PCDH9: variants seen among roughly 807,000 people sequenced by gnomAD.
The protein encoded by PCDH9 is protocadherin 9.
A neutral mutation model predicts 70.6 loss-of-function variants in PCDH9; 24 were observed. The ratio of observed to expected loss-of-function variants is 0.34; its 90% CI spans 0.25 to 0.48. The LOEUF (loss-of-function observed/expected upper bound fraction) is 0.48, where lower values mean the gene tolerates loss of function less well. Among genes scored for constraint, PCDH9 ranks in the 20% least tolerant of loss-of-function variants. The pLI is 0.99. For missense variants in PCDH9, 1,281 were observed against 1,503.6 expected (o/e 0.85, Z 2.45); for synonymous variants, 562 against 558.5 (o/e 1.01, Z -0.09).
intron 4 of PCDH9, among the ~76,000 whole-genome samples, chr13:66,513,609 GA>G (rs1281163535): frequency 2.6e-5 from 4 of 151,098 alleles, no homozygotes; most frequent in African/African-American, 9.7e-5. Flanking sequence ...CATCTTTAAA[GA>G]AAAAAATCTT....
chr13:66,374,961 C>A (rs1956722544), intron 4 of PCDH9, among the ~76,000 whole-genome samples: 1 of 151,980 alleles, frequency 6.6e-6, no homozygotes, highest in Non-Finnish European at 1.5e-5. Flanking sequence ...TCTAAAGGAA[C>A]TCAATCAGTT....
chr13:66,903,953 A>G (rs548994816), intron 2 of PCDH9, among the ~76,000 whole-genome samples: 45 of 152,066 alleles, frequency 3.0e-4, no homozygotes, highest in African/African-American at 1.0e-3. Context: ...TTTGATATAT[A>G]TTATACACAT....
intron 2 of PCDH9, among the ~76,000 whole-genome samples, chr13:67,087,782 T>A (rs1256981293): frequency 1.1e-4 from 17 of 152,128 alleles, no homozygotes. Context: ...TATGTGAGTT[T>A]ACTTTTGCTT....
intron 4 of PCDH9, among the ~76,000 whole-genome samples, chr13:66,600,367 C>T (rs913284180): frequency 6.6e-6 from 1 of 151,780 alleles, no homozygotes; most frequent in African/African-American, 2.4e-5. Context: ...TTGATATTAT[C>T]CAATTTTCAA....
intron 4 of PCDH9, among the ~76,000 whole-genome samples, chr13:66,312,435 A>C (rs1190101108): frequency 6.6e-6 from 1 of 152,084 alleles, no homozygotes; most frequent in Non-Finnish European, 1.5e-5. Flanking sequence ...ACACGGTGAA[A>C]CACCGGCTCT....
At chr13:67,229,159 A>G (rs1418407328) in intron 1 of PCDH9, among the ~76,000 whole-genome samples, 1 of 152,236 alleles carries the variant, frequency 6.6e-6, no homozygotes, top group South Asian at 2.1e-4. Flanking sequence ...CGGCCTCTAC[A>G]CATCCTCATT....
chr13:66,591,264 C>T (rs1288180593), intron 4 of PCDH9, among the ~76,000 whole-genome samples: 1 of 151,608 alleles, frequency 6.6e-6, no homozygotes, highest in Admixed American at 6.6e-5. Context: ...TATTGGTTTA[C>T]ACAGAATCTC....
chr13:66,539,620 T>C (rs1196828270), intron 4 of PCDH9, among the ~76,000 whole-genome samples: 1 of 152,150 alleles, frequency 6.6e-6, no homozygotes, highest in African/African-American at 2.4e-5. Flanking sequence ...CCACAGAATC[T>C]GAAGCTAAAT....
chr13:66,426,011 C>T (rs1310138268), intron 4 of PCDH9, among the ~76,000 whole-genome samples: 1 of 151,492 alleles, frequency 6.6e-6, no homozygotes, highest in East Asian at 1.9e-4. Flanking sequence ...TAAATTATAG[C>T]TATGTTCATC....
At chr13:67,174,553 T>G in intron 2 of PCDH9, among the ~76,000 whole-genome samples, 1 of 152,160 alleles carries the variant, frequency 6.6e-6, no homozygotes, top group East Asian at 1.9e-4. Flanking sequence ...TAAGATTATG[T>G]GTGGGAGCTC....
In PCDH9 at chr13:67,225,651, A is replaced by G; in HGVS notation, c.2790T>C (p.Pro930=). 6.2e-7 allele frequency: 1 copy of G among 1,614,104 alleles called. No individual in the cohort carries two copies. Among genetic ancestry groups the G allele is most frequent in the African/African-American group, 1.3e-5 (1 of 75,018 alleles). Residue 930 remains proline, a synonymous_variant, in exon 2 of 5, where the codon CCT becomes CCC. Transcript: ENST00000377865. ...AGTGCTTGGCCAGGTCAGGACTGTTAGGCTTGAATGTTGTTGGAGGTGCCG... is the reference window on the plus strand; with the variant it reads ...AGTGCTTGGCCAGGTCAGGACTGTTGGGCTTGAATGTTGTTGGAGGTGCCG... ...WGPAPPTTFK[P]NSPDLAKHYK...
At chr13:66,321,603 A>T (rs1955756339) in intron 4 of PCDH9, among the ~76,000 whole-genome samples, 1 of 151,902 alleles carries the variant, frequency 6.6e-6, no homozygotes, top group East Asian at 1.9e-4. Context: ...AATATACTGA[A>T]ATTCAAGCCT....
intron 2 of PCDH9, among the ~76,000 whole-genome samples, chr13:66,924,060 A>C (rs1214087342): frequency 6.6e-6 from 1 of 151,794 alleles, no homozygotes; most frequent in Non-Finnish European, 1.5e-5. Context: ...GTAAAGCAAG[A>C]AGCATGAGGG....
intron 2 of PCDH9, among the ~76,000 whole-genome samples, chr13:67,120,217 A>AATAATAAT (rs1555309223): frequency 2.5e-5 from 1 of 40,350 alleles, no homozygotes; most frequent in South Asian, 8.8e-4. Context: ...ATAATAATAA[A>AATAATAAT]GGGTCTGAAT....
In PCDH9 at chr13:66,520,011, C is replaced by A. The variant is rs191585061; in HGVS notation, c.3340+111199G>T. 1.3e-3 allele frequency among the ~76,000 whole-genome samples: 202 copies of A among 152,256 alleles called. 1 individual carries two copies. Among genetic ancestry groups the A allele is most frequent in the African/African-American group, 4.5e-3 (189 of 41,562 alleles). On this transcript the variant is annotated intron_variant, in intron 4 of 4. Coordinates refer to ENST00000377865, the MANE Select transcript of PCDH9 (RefSeq NM_203487.3). Reference sequence around the variant, plus strand: ...TTTCTGCCAAAGCAGCAATCCAAATCGGTTCAGGACAAAAAAGTGAGCGGG... The same window carrying A: ...TTTCTGCCAAAGCAGCAATCCAAATAGGTTCAGGACAAAAAAGTGAGCGGG...
At chr13:66,959,034 T>C (rs540323632) in intron 2 of PCDH9, among the ~76,000 whole-genome samples, 2 of 152,308 alleles carry the variant, frequency 1.3e-5, no homozygotes, top group African/African-American at 4.8e-5. Flanking sequence ...TACAAATATT[T>C]CAGTTTGTAA....
chr13:66,802,062 T>C (rs1335962110), intron 3 of PCDH9, among the ~76,000 whole-genome samples: 1 of 151,972 alleles, frequency 6.6e-6, no homozygotes, highest in Non-Finnish European at 1.5e-5. Flanking sequence ...TGGGAGGAAA[T>C]ATAACTAAAT....
chr13:67,160,542 G>A (rs1248849552), intron 2 of PCDH9, among the ~76,000 whole-genome samples: 3 of 148,736 alleles, frequency 2.0e-5, no homozygotes, highest in Admixed American at 6.7e-5. Context: ...GCGAGACTCC[G>A]TCTCAAAAAA....
intron 3 of PCDH9, among the ~76,000 whole-genome samples, chr13:66,829,624 T>C (rs1174231734): frequency 6.9e-6 from 1 of 145,702 alleles, no homozygotes; most frequent in Admixed American, 7.3e-5. Flanking sequence ...AATATAAATT[T>C]CATGAATGGC....
Sources: allele counts gnomAD v4.1 joint callset (sites outside exome capture counted in the v4.1 genomes callset), GRCh38; gene constraint gnomAD v4.1.1; transcripts MANE v1.5; gene names NCBI Gene and HGNC (gene_info 2026-07-23, HGNC 2026-07-21).